Variants in SGCE observed in about 807,000 individuals in gnomAD.
The protein encoded by SGCE is epsilon-sarcoglycan.
In SGCE, 26 loss-of-function variants were observed where a neutral mutation model predicts 57.8. That is an observed-to-expected ratio of 0.45 (90% CI 0.33 to 0.62). The LOEUF (loss-of-function observed/expected upper bound fraction) is 0.62. SGCE is among the 20% of genes least tolerant of loss of function. The probability of loss-of-function intolerance (pLI) is 0.02; values close to 1 mark genes in which losing one functional copy is unlikely to be tolerated. For synonymous variants in SGCE, 183 were observed against 189.5 expected, an observed-to-expected ratio of 0.97 and a Z score of 0.28; for missense variants, 468 against 548.6, an observed-to-expected ratio of 0.85 and a Z score of 1.47.
chr7:94,619,075 TTAATAC>T, intron 4 of SGCE, 119 bp from the exon 5 acceptor site: 1 of 745,656 alleles, frequency 1.3e-6, no homozygotes, highest in Admixed American at 1.9e-5. Context: ...GGAAGCAATA[TTAATAC>T]TGACTTTAAA....
rs1292233652 is a variant in SGCE, at chr7:94,628,324, T to A, written c.268A>T (p.Asn90Tyr). Residue 90 changes from asparagine to tyrosine, a missense_variant, in exon 3 of 11, where the codon AAT (asparagine) becomes TAT (tyrosine). Asn to Tyr is a moderately radical substitution (Grantham distance 143). Transcript: ENST00000648936. ...GGTCGGTCTGGGTAACCCATTAAAT[T>A]TGTATTAAATGTTATGGGATCATTA... ...ISNDPITFNT[N>Y]LMGYPDRPGW... The A allele has an allele frequency of 6.2e-7, 1 of 1,610,990 alleles. No homozygotes were observed.
chr7:94,632,656 T>C (rs1804892752), intron 1 of SGCE, among the ~76,000 whole-genome samples: 2 of 152,150 alleles, frequency 1.3e-5, no homozygotes, highest in Admixed American at 1.3e-4. Flanking sequence ...ACTTCCTTTC[T>C]GTAGCATCAG....
chr7:94,616,299 T>C (rs1202817429), intron 5 of SGCE, among the ~76,000 whole-genome samples: 1 of 152,150 alleles, frequency 6.6e-6, no homozygotes, highest in African/African-American at 2.4e-5. Context: ...TTTGCACTTA[T>C]TACTTGTGGC....
rs1468890518 is a variant in SGCE, at chr7:94,628,454, T to A, written c.233-95A>T. The A allele has an allele frequency of 2.7e-6, 3 of 1,120,024 alleles. No individual in the cohort carries two copies. The African/African-American group carries it at 4.6e-5, about 17-fold the overall frequency. The allele number at this position is 1,120,024 out of a possible 1,614,324, so 69.4% of individuals were successfully genotyped here. A position where few individuals can be genotyped will look rare whatever the true frequency, so the allele number is the denominator to read the frequency against. On this transcript the variant is annotated intron_variant, in intron 2 of 10. Coordinates refer to ENST00000648936, the MANE Select transcript of SGCE (RefSeq NM_003919.3). ...CAAAACATTCTGTCTAAAATTTTTTTCTTACATTTGTAGCCAACTAAATAC... is the reference window on the plus strand; with the variant it reads ...CAAAACATTCTGTCTAAAATTTTTTACTTACATTTGTAGCCAACTAAATAC...
At chr7:94,630,120 A>G (rs1804456073) in intron 1 of SGCE, among the ~76,000 whole-genome samples, 1 of 151,992 alleles carries the variant, frequency 6.6e-6, no homozygotes, top group African/African-American at 2.4e-5. Context: ...TTATCAAATA[A>G]TGAAGCTATC....
chr7:94,647,728 C>T (rs769108646), intron 1 of SGCE, among the ~76,000 whole-genome samples: 1 of 152,226 alleles, frequency 6.6e-6, no homozygotes, highest in Non-Finnish European at 1.5e-5. Flanking sequence ...CCATATTCAA[C>T]CTGCCCCAGG....
At chr7:94,636,608 G>C (rs756908505) in intron 1 of SGCE, among the ~76,000 whole-genome samples, 1 of 151,962 alleles carries the variant, frequency 6.6e-6, no homozygotes, top group Admixed American at 6.6e-5. Context: ...TCCCATTCCA[G>C]GGAAAAAAAG....
intron 5 of SGCE, among the ~76,000 whole-genome samples, chr7:94,611,264 T>C (rs1034782152): frequency 1.3e-4 from 20 of 152,294 alleles, no homozygotes; most frequent in South Asian, 6.2e-4. Flanking sequence ...AACTTATAAA[T>C]GGATAAACAA....
intron 1 of SGCE, among the ~76,000 whole-genome samples, chr7:94,648,917 C>T (rs955477953): frequency 6.6e-6 from 1 of 152,150 alleles, no homozygotes; most frequent in Non-Finnish European, 1.5e-5. Flanking sequence ...AAATTTGCAG[C>T]GAACCCCAAA....
At chr7:94,604,858 T>TATATATATAA (rs1491355835) in intron 5 of SGCE, among the ~76,000 whole-genome samples, 28 of 75,208 alleles carry the variant, frequency 3.7e-4, no homozygotes, top group Non-Finnish European at 6.1e-4. Flanking sequence ...TATATATATA[T>TATATATATAA]AATAGTTGTT....
At chr7:94,606,714 G>C (rs1800199576) in intron 5 of SGCE, among the ~76,000 whole-genome samples, 2 of 152,038 alleles carry the variant, frequency 1.3e-5, no homozygotes, top group Admixed American at 1.3e-4. Flanking sequence ...CAACATTCCA[G>C]ACCATAAAAA....
At chr7:94,611,608 G>A (rs1463747906) in intron 5 of SGCE, among the ~76,000 whole-genome samples, 1 of 152,088 alleles carries the variant, frequency 6.6e-6, no homozygotes, top group African/African-American at 2.4e-5. Flanking sequence ...TAAAAGTCAC[G>A]ATTTAAAATT....
intron 1 of SGCE, 61 bp downstream of exon 1, chr7:94,655,929 G>A: frequency 9.1e-7 from 1 of 1,096,630 alleles, no homozygotes; most frequent in Admixed American, 1.8e-5. Context: ...ACCCGAGCGG[G>A]GGAGGGGGAG....
At chr7:94,604,720 A>T (rs1308221712) in intron 5 of SGCE, among the ~76,000 whole-genome samples, 1 of 149,018 alleles carries the variant, frequency 6.7e-6, no homozygotes, top group Non-Finnish European at 1.5e-5. Flanking sequence ...TGAGAAGCAT[A>T]TGTGAAATTT....
At chr7:94,597,136 C>T (rs1798521403) in intron 9 of SGCE, 1 of 152,040 alleles carries the variant, frequency 6.6e-6, no homozygotes, top group Middle Eastern at 3.2e-3. Context: ...GCATTCAGTA[C>T]AACTAAATTT....
chr7:94,625,491 T>TA (rs1803559942), intron 3 of SGCE: 1 of 152,080 alleles, frequency 6.6e-6, no homozygotes, highest in Admixed American at 6.6e-5. Context: ...TCTCCTAGCC[T>TA]AAGCCCTTAC....
At chr7:94,599,209 G>GTAT (rs2116680235) in intron 8 of SGCE, 2 of 427,512 alleles carry the variant, frequency 4.7e-6, no homozygotes, top group South Asian at 7.1e-5. Context: ...ATGAAGCATT[G>GTAT]TATTAATATT....
chr7:94,618,414 T>A (rs1402543412), intron 5 of SGCE: 1 of 220,048 alleles, frequency 4.5e-6, no homozygotes, highest in African/African-American at 2.3e-5. Flanking sequence ...CAGCAGTCTG[T>A]GCATCCTTCT....
intron 5 of SGCE, among the ~76,000 whole-genome samples, chr7:94,604,884 G>A (rs966283107): frequency 2.6e-5 from 3 of 116,638 alleles, no homozygotes; most frequent in Non-Finnish European, 3.5e-5. Context: ...TAATGGTGCT[G>A]GAAAAACTGG....
Sources: allele counts gnomAD v4.1 joint callset (sites outside exome capture counted in the v4.1 genomes callset), GRCh38; gene constraint gnomAD v4.1.1; transcripts MANE v1.5; gene names NCBI Gene and HGNC (gene_info 2026-07-23, HGNC 2026-07-21).